CMC2: variants seen among roughly 807,000 people sequenced by gnomAD.
CMC2 encodes COX assembly mitochondrial protein 2 homolog.
A neutral mutation model predicts 7.5 loss-of-function variants in CMC2; 5 were observed. That is an observed-to-expected ratio of 0.66 (90% CI 0.35 to 1.40). CMC2 has a LOEUF of 1.40. Among genes scored for constraint, CMC2 ranks in the 40% most tolerant of loss-of-function variants. The pLI is 0.04. For missense variants in CMC2, 115 were observed against 92.3 expected (o/e 1.25, Z -1.01); for synonymous variants, 37 against 31.4 (o/e 1.18, Z -0.60).
intron 2 of CMC2, among the ~76,000 whole-genome samples, chr16:80,994,184 C>A (rs1435259925): frequency 6.6e-6 from 1 of 152,100 alleles, no homozygotes; most frequent in African/African-American, 2.4e-5. Flanking sequence ...TCATACTATA[C>A]ACAAAAATTA....
chr16:80,978,556 A>T (rs1355958188), intron 3 of CMC2: 1 of 359,464 alleles, frequency 2.8e-6, no homozygotes, highest in Non-Finnish European at 5.2e-6. Flanking sequence ...CAAAAGTACT[A>T]TTAGTGTTTC....
At chr16:80,988,668 G>C (rs1156784018) in intron 2 of CMC2, 1 of 688,426 alleles carries the variant, frequency 1.5e-6, no homozygotes. Context: ...ATTAACACTA[G>C]TATCTAATTT....
chr16:80,991,850 A>G, intron 2 of CMC2: 1 of 438,914 alleles, frequency 2.3e-6, no homozygotes, highest in South Asian at 1.6e-5. Flanking sequence ...ATACCTGGCC[A>G]TTATGCCTCA....
intron 2 of CMC2, 92 bp downstream of exon 2, chr16:80,997,222 C>G (rs936372652): frequency 1.8e-5 from 14 of 784,876 alleles, no homozygotes; most frequent in Non-Finnish European, 3.2e-5. Context: ...AAGACATTAT[C>G]GTTTCCTTCT....
In CMC2 at chr16:80,988,849, T is replaced by C. The variant is rs576142837; in HGVS notation, c.82-6972A>G. ...TAAACAATATTTTTCTTATCTTTAA[T>C]CTTTATTTGAAACAGCTTGTCTCTT... is the stretch of plus-strand genomic sequence containing the variant. On this transcript the variant is annotated intron_variant, in intron 2 of 3. Transcript: ENST00000219400. Among the ~76,000 whole-genome samples the C allele has an allele frequency of 3.2e-4, 48 of 152,314 alleles. No homozygotes were observed. The South Asian group carries it at 3.9e-3, about 12-fold the overall frequency.
chr16:80,978,139 T>C (rs9929815), intron 3 of CMC2: 43,599 of 322,238 alleles, frequency 0.14, 3,212 homozygotes, highest in Admixed American at 0.18. Context: ...ATTTTATCTA[T>C]CATACATTAA....
intron 1 of CMC2, among the ~76,000 whole-genome samples, chr16:81,005,870 G>C (rs74028895): frequency 6.6e-6 from 1 of 152,200 alleles, no homozygotes; most frequent in Admixed American, 6.5e-5. Flanking sequence ...GCTCGTGAGG[G>C]AGCATTCTTG....
At chr16:80,978,829 C>T (rs1472404215) in intron 3 of CMC2, among the ~76,000 whole-genome samples, 1 of 152,090 alleles carries the variant, frequency 6.6e-6, no homozygotes, top group Non-Finnish European at 1.5e-5. Context: ...CGCCTGTAAC[C>T]CCAGCACTTT....
At chr16:80,991,725 T>C (rs1177704211) in intron 2 of CMC2, 1 of 300,404 alleles carries the variant, frequency 3.3e-6, no homozygotes, top group East Asian at 8.7e-5. Context: ...TATGTTGTAG[T>C]ATGCAGCCTT....
chr16:80,982,050 G>C (rs1967160283), intron 2 of CMC2, among the ~76,000 whole-genome samples, 173 bp from the exon 3 acceptor site: 1 of 152,078 alleles, frequency 6.6e-6, no homozygotes, highest in African/African-American at 2.4e-5. Context: ...ACATGGATTT[G>C]AACTGCATGA....
chr16:80,981,004 C>T (rs376842795), intron 3 of CMC2: 4 of 418,476 alleles, frequency 9.6e-6, no homozygotes, highest in African/African-American at 6.2e-5. Flanking sequence ...GGAAAAACAG[C>T]CTAAGCAGAA....
At chr16:80,978,571 CAAG>C (rs1311692470) in intron 3 of CMC2, among the ~76,000 whole-genome samples, 3 of 151,952 alleles carry the variant, frequency 2.0e-5, no homozygotes, top group African/African-American at 7.3e-5. Context: ...TGTTTCTTTT[CAAG>C]AAGAAGAACA....
chr16:80,978,677 T>C (rs1278202611), intron 3 of CMC2, among the ~76,000 whole-genome samples: 1 of 150,156 alleles, frequency 6.7e-6, no homozygotes, highest in East Asian at 2.0e-4. Context: ...GAGACCACCC[T>C]GGGCAACACA....
chr16:80,992,296 T>C (rs1968062558), intron 2 of CMC2, among the ~76,000 whole-genome samples: 1 of 152,220 alleles, frequency 6.6e-6, no homozygotes, highest in Admixed American at 6.5e-5. Flanking sequence ...ATTTTCCAAG[T>C]GCAAACAACA....
chr16:81,006,241 C>T (rs1322598633), intron 1 of CMC2, among the ~76,000 whole-genome samples: 1 of 24,216 alleles, frequency 4.1e-5, no homozygotes, highest in East Asian at 1.1e-3. Context: ...TGATGGGGCT[C>T]TTGGTGGGTT....
chr16:80,988,644 A>G (rs931900057), intron 2 of CMC2: 7 of 695,710 alleles, frequency 1.0e-5, no homozygotes, highest in Admixed American at 6.2e-5. Flanking sequence ...GATTACCAAA[A>G]TTAGGAAATT....
chr16:81,004,417 G>A (rs1489054093), intron 1 of CMC2, among the ~76,000 whole-genome samples: 1 of 152,208 alleles, frequency 6.6e-6, no homozygotes, highest in East Asian at 1.9e-4. Flanking sequence ...CCCAGGGACT[G>A]CCTGGGGAGG....
At chr16:81,004,722 A>C (rs1969121880) in intron 1 of CMC2, among the ~76,000 whole-genome samples, 5 of 152,222 alleles carry the variant, frequency 3.3e-5, no homozygotes, top group Admixed American at 3.3e-4. Flanking sequence ...TGAAGATATA[A>C]AAATTATAGC....
intron 2 of CMC2, among the ~76,000 whole-genome samples, chr16:80,984,766 T>C (rs1967395101): frequency 6.6e-6 from 1 of 152,242 alleles, no homozygotes; most frequent in Non-Finnish European, 1.5e-5. Context: ...TCCACATATG[T>C]ACATCTTAAT....
Sources: gnomAD v4.1 joint callset for allele counts (sites outside exome capture counted in the v4.1 genomes callset) on GRCh38, gnomAD v4.1.1 for gene constraint, MANE v1.5 for transcripts, NCBI Gene and HGNC (gene_info 2026-07-23, HGNC 2026-07-21) for gene names.